Variants in ATR observed in about 807,000 individuals in gnomAD.
ATR encodes ATR checkpoint kinase, also known as serine/threonine-protein kinase ATR.
In ATR, 142 loss-of-function variants were observed where a neutral mutation model predicts 305.3. The ratio of observed to expected loss-of-function variants is 0.47; its 90% CI spans 0.41 to 0.53. The LOEUF is 0.53. ATR is among the 20% of genes least tolerant of loss of function. ATR has a pLI of 0.00. For missense variants in ATR, 2,135 were observed against 3,133.1 expected (o/e 0.68, Z 7.60); for synonymous variants, 1,050 against 1,068.1 (o/e 0.98, Z 0.33).
In ATR at chr3:142,560,372, C is replaced by G. The variant is rs371017404; in HGVS notation, c.1432G>C (p.Glu478Gln). ...QKAESLQISL[E>Q]YSGLKNPVIE... Reference sequence around the variant, plus strand: ...ACAGGATTCTTTAGGCCACTGTATTCAAGGGAAATCTGAAGGGATTCAGCT... The same window carrying G: ...ACAGGATTCTTTAGGCCACTGTATTGAAGGGAAATCTGAAGGGATTCAGCT... The change falls in exon 6 of 47, where the codon GAA becomes CAA. Residue 478 changes from glutamate to glutamine, a missense_variant. Physicochemically the swap from Glu to Gln is conservative, Grantham distance 29. Coordinates refer to ENST00000350721, the MANE Select transcript of ATR (RefSeq NM_001184.4). 13 of 1,613,668 alleles carry G rather than the reference C, an allele frequency of 8.1e-6. No individual in the cohort carries two copies. Among genetic ancestry groups the G allele is most frequent in the Middle Eastern group, 1.6e-4 (1 of 6,080 alleles).
chr3:142,517,350 T>TA (rs56080837), intron 24 of ATR, among the ~76,000 whole-genome samples: 2,778 of 143,464 alleles, frequency 0.019, 28 homozygotes, highest in South Asian at 0.044. Context: ...GAGCCCAAAT[T>TA]AAAAAAAAAA....
In ATR at chr3:142,474,167, T is replaced by G. The variant is rs780375255; in HGVS notation, c.6222-3984A>C. On this transcript the variant is annotated intron_variant, in intron 36 of 46. Transcript: ENST00000350721. ...GTCTCAAACTCCTGACCTCAAGTGA[T>G]CCACCTGCCTCAGTTTCCCAAAGTG... Among the ~76,000 whole-genome samples, 36 of 151,862 alleles carry G rather than the reference T, an allele frequency of 2.4e-4. 1 individual carries two copies. Among genetic ancestry groups the G allele is most frequent in the Admixed American group, 1.6e-3 (25 of 15,224 alleles).
chr3:142,506,450 T>C (rs931136221), intron 28 of ATR, among the ~76,000 whole-genome samples: 1 of 152,072 alleles, frequency 6.6e-6, no homozygotes, highest in African/African-American at 2.4e-5. Context: ...TCCCAGCACT[T>C]TGAGAGGCCA....
chr3:142,453,835 T>C (rs1317740477), intron 45 of ATR, among the ~76,000 whole-genome samples: 1 of 152,128 alleles, frequency 6.6e-6, no homozygotes, highest in East Asian at 1.9e-4. Flanking sequence ...CTCCTAAATC[T>C]CTTTGGAATC....
Position 142,558,759 on chromosome 3 carries a change from C to T in ATR, c.1750G>A (p.Asp584Asn). Residue 584 changes from aspartate (D) to asparagine (N), a missense_variant, in exon 8 of 47, where the codon GAT becomes AAT. Coordinates refer to ENST00000350721, the MANE Select transcript of ATR (RefSeq NM_001184.4). ...IYMQVNSSFE[D>N]HILEDLCGML... ...CCACATAAATCTTCCAGGATATGAT[C>T]TTCAAATGAACTGTTTACTACAGAA... The T allele has an allele frequency of 1.2e-6, 2 of 1,608,852 alleles. No individual in the cohort carries two copies. Among genetic ancestry groups the T allele is most frequent in the Admixed American group, 1.7e-5 (1 of 59,790 alleles).
chr3:142,513,757 T>G (rs2032712774), intron 25 of ATR, 119 bp from the exon 26 acceptor site: 1 of 1,123,018 alleles, frequency 8.9e-7, no homozygotes, highest in Non-Finnish European at 1.2e-6. Flanking sequence ...AAAAAGTTTT[T>G]TAATTAATTT....
intron 16 of ATR, among the ~76,000 whole-genome samples, chr3:142,545,596 A>G (rs1397550202): frequency 6.6e-6 from 1 of 152,168 alleles, no homozygotes; most frequent in Non-Finnish European, 1.5e-5. Context: ...TGAGTTTGTA[A>G]AAAGAGCACT....
In ATR at chr3:142,513,601, C is replaced by T; in HGVS notation, c.4541G>A (p.Cys1514Tyr). ...GAAATCATGCTTCATCATAATGCTA[C>T]AGCAGGTGAAAATTTTACTGGCAAG... ...HDLASKIFTC[C>Y]SIMMKHDFKV... is the part of the protein sequence containing the mutation. The change falls in exon 26 of 47, where the codon TGT becomes TAT. Residue 1514 changes from cysteine to tyrosine, a missense_variant. This residue lies in a region of ATR where 202 missense variants were observed against 252.9 expected (regional missense o/e 0.80). Coordinates refer to ENST00000350721, the MANE Select transcript of ATR (RefSeq NM_001184.4). The T allele has an allele frequency of 6.2e-7, 1 of 1,613,576 alleles. No homozygotes were observed. Among genetic ancestry groups the T allele is most frequent in the African/African-American group, 1.3e-5 (1 of 75,008 alleles).
At chr3:142,565,030 A>G (rs1466150113) in intron 3 of ATR, among the ~76,000 whole-genome samples, 1 of 152,146 alleles carries the variant, frequency 6.6e-6, no homozygotes, top group Non-Finnish European at 1.5e-5. Flanking sequence ...TACAGGCGTG[A>G]GACATCGTGC....
Position 142,519,725 on chromosome 3 carries a change from C to G in ATR, c.4326G>C (p.Leu1442Phe). ...GAACATGCTCAGGAAATCTCCTCCACAATTGGTGACCTGGGCCGTTGGTCT... is the reference window on the plus strand; with the variant it reads ...GAACATGCTCAGGAAATCTCCTCCAGAATTGGTGACCTGGGCCGTTGGTCT... The part of the protein sequence containing the change: ...EMETNGPGHQ[L>F]WRRFPEHVRE... The change falls in exon 24 of 47, where the codon TTG becomes TTC. Residue 1442 changes from leucine to phenylalanine, a missense_variant. Transcript: ENST00000350721. The G allele has an allele frequency of 6.2e-7, 1 of 1,614,124 alleles. No homozygotes were observed. Among genetic ancestry groups the G allele is most frequent in the Non-Finnish European group, 8.5e-7 (1 of 1,179,988 alleles).
At chr3:142,516,734 G>A (rs2032875876) in intron 24 of ATR, among the ~76,000 whole-genome samples, 1 of 151,792 alleles carries the variant, frequency 6.6e-6, no homozygotes, top group South Asian at 2.1e-4. Context: ...TCCCTATAAG[G>A]GCCACGGCTC....
chr3:142,534,950 C>T (rs1015843609), intron 21 of ATR, 130 bp downstream of exon 21: 2 of 1,027,640 alleles, frequency 1.9e-6, no homozygotes, highest in African/African-American at 1.6e-5. Flanking sequence ...TCAGTCAGAT[C>T]TGATAATTCA....
intron 41 of ATR, among the ~76,000 whole-genome samples, chr3:142,464,623 T>TAAAAGGAGAAATAC (rs1206853852): frequency 8.5e-5 from 13 of 152,286 alleles, no homozygotes; most frequent in Admixed American, 8.5e-4. Context: ...AAGCCAGTCA[T>TAAAAGGAGAAATAC]AAAAGGAGAA....
intron 19 of ATR, among the ~76,000 whole-genome samples, 155 bp from the exon 20 acceptor site, chr3:142,536,356 G>T (rs1216858458): frequency 6.6e-6 from 1 of 152,198 alleles, no homozygotes; most frequent in Non-Finnish European, 1.5e-5. Context: ...TGTCTAAGAT[G>T]CTCAGCTAAA....
intron 24 of ATR, among the ~76,000 whole-genome samples, chr3:142,515,756 T>A (rs2032833024): frequency 6.6e-6 from 1 of 152,160 alleles, no homozygotes; most frequent in Non-Finnish European, 1.5e-5. Flanking sequence ...TCTTCTTATA[T>A]AAGAAAAACC....
chr3:142,525,064 A>G (rs183260405), intron 21 of ATR, among the ~76,000 whole-genome samples: 20 of 152,362 alleles, frequency 1.3e-4, no homozygotes, highest in African/African-American at 4.8e-4. Context: ...AGAATCTTCA[A>G]TAGCTGATTT....
intron 46 of ATR, chr3:142,449,823 G>A (rs1187984226): frequency 1.2e-5 from 7 of 562,240 alleles, no homozygotes; most frequent in Non-Finnish European, 2.2e-5. Context: ...GCTTGGACAT[G>A]TTTCTGGACT....
At chr3:142,512,551 T>C (rs2032632947) in intron 26 of ATR, 81 bp from the exon 27 acceptor site, 4 of 1,219,174 alleles carry the variant, frequency 3.3e-6, no homozygotes, top group Middle Eastern at 2.9e-4. Flanking sequence ...CTAACCATTC[T>C]AAGGCAAAAA....
intron 30 of ATR, among the ~76,000 whole-genome samples, chr3:142,502,973 A>C (rs771242931): frequency 6.6e-6 from 1 of 152,196 alleles, no homozygotes; most frequent in Non-Finnish European, 1.5e-5. Context: ...TTTAGGGTAA[A>C]ATCAATGCAC....
Sources: allele counts gnomAD v4.1 joint callset (sites outside exome capture counted in the v4.1 genomes callset), GRCh38; gene constraint gnomAD v4.1.1; regional missense constraint gnomAD v4.1.1; transcripts MANE v1.5; gene names NCBI Gene and HGNC (gene_info 2026-07-23, HGNC 2026-07-21).